Variants in CTNND2 observed in about 807,000 individuals in gnomAD.
The protein encoded by CTNND2 is catenin delta 2.
A neutral mutation model predicts 144.4 loss-of-function variants in CTNND2; 22 were observed. The observed-to-expected ratio is 0.15, with a 90% CI of 0.11 to 0.22. The LOEUF (loss-of-function observed/expected upper bound fraction) is 0.22, where lower values mean the gene tolerates loss of function less well. CTNND2 is among the 10% of genes least tolerant of loss of function. The probability of loss-of-function intolerance (pLI) is 1.00; values close to 1 mark genes in which losing one functional copy is unlikely to be tolerated. For missense variants in CTNND2, 1,353 were observed against 1,618.8 expected, an observed-to-expected ratio of 0.84 and a Z score of 2.82; for synonymous variants, 751 against 695.6, an observed-to-expected ratio of 1.08 and a Z score of -1.25.
intron 2 of CTNND2, among the ~76,000 whole-genome samples, chr5:11,591,643 C>T (rs1336449296): frequency 6.6e-6 from 1 of 151,894 alleles, no homozygotes; most frequent in African/African-American, 2.4e-5. Context: ...CATTTTTGCT[C>T]ATAATTTTAA....
chr5:11,020,881 T>C (rs556369669), intron 17 of CTNND2, among the ~76,000 whole-genome samples: 52 of 151,698 alleles, frequency 3.4e-4, no homozygotes, highest in Middle Eastern at 3.4e-3. Context: ...GAAAAAGAGA[T>C]AAAGGAACAA....
intron 3 of CTNND2, among the ~76,000 whole-genome samples, chr5:11,524,582 T>C (rs1773046878): frequency 6.6e-6 from 1 of 152,094 alleles, no homozygotes; most frequent in African/African-American, 2.4e-5. Context: ...TCAAAAGAAT[T>C]TTAGGCAATT....
chr5:11,348,598 A>T (rs961380267), intron 8 of CTNND2, among the ~76,000 whole-genome samples: 1 of 152,072 alleles, frequency 6.6e-6, no homozygotes, highest in African/African-American at 2.4e-5. Context: ...ATTTGCTATT[A>T]ATGTATTCAA....
chr5:11,375,953 G>A (rs1385029920), intron 7 of CTNND2, among the ~76,000 whole-genome samples: 1 of 152,134 alleles, frequency 6.6e-6, no homozygotes, highest in African/African-American at 2.4e-5. Context: ...CTAACACCCA[G>A]TGTGATGGTG....
intron 1 of CTNND2, among the ~76,000 whole-genome samples, chr5:11,879,373 A>ATG (rs1735855438): frequency 7.3e-5 from 10 of 136,946 alleles, no homozygotes; most frequent in Non-Finnish European, 1.2e-4. Flanking sequence ...ACACACACAC[A>ATG]CAAACATATA....
At chr5:11,549,676 C>T (rs1243659863) in intron 3 of CTNND2, among the ~76,000 whole-genome samples, 1 of 152,112 alleles carries the variant, frequency 6.6e-6, no homozygotes, top group Non-Finnish European at 1.5e-5. Context: ...TTAAATGAAG[C>T]TTATTGGTAG....
At chr5:11,009,939 T>G (rs948278165) in intron 18 of CTNND2, among the ~76,000 whole-genome samples, 22 of 152,220 alleles carry the variant, frequency 1.4e-4, no homozygotes, top group Middle Eastern at 3.2e-3. Flanking sequence ...AGAAAGACCT[T>G]CTTTGTCAAT....
chr5:11,540,937 T>C (rs904887620), intron 3 of CTNND2, among the ~76,000 whole-genome samples: 3 of 152,212 alleles, frequency 2.0e-5, no homozygotes, highest in South Asian at 2.1e-4. Context: ...ATTATTGTTA[T>C]TATTTAAAGG....
rs368409249 is a variant in CTNND2, at chr5:11,411,532, T to G, written c.439+4A>C. ...TCTTCAAGCATAACTGCCACGTGAC[T>G]TACTTTCACCTGTAGAATAATCCTG... On this transcript the variant is annotated splice_donor_region_variant and intron_variant, in intron 5 of 21. Transcript: ENST00000304623. 2 of 1,486,080 alleles carry G rather than the reference T, an allele frequency of 1.3e-6. No individual in the cohort carries two copies. Among genetic ancestry groups the G allele is most frequent in the Admixed American group, 3.5e-5 (2 of 57,298 alleles). 92.1% of individuals were successfully genotyped at this position (1,486,080 alleles called of 1,614,324 possible). A position where few individuals can be genotyped will look rare whatever the true frequency, so the allele number is the denominator to read the frequency against.
At chr5:11,649,937 C>A (rs1782560714) in intron 2 of CTNND2, among the ~76,000 whole-genome samples, 1 of 151,978 alleles carries the variant, frequency 6.6e-6, no homozygotes, top group Non-Finnish European at 1.5e-5. Flanking sequence ...AGAGAGGTCC[C>A]TTTAAATTAA....
chr5:11,062,074 T>C (rs1747049643), intron 16 of CTNND2, among the ~76,000 whole-genome samples: 1 of 152,218 alleles, frequency 6.6e-6, no homozygotes, highest in Non-Finnish European at 1.5e-5. Context: ...GAAACTTTGA[T>C]GTGCTATGAC....
intron 3 of CTNND2, among the ~76,000 whole-genome samples, chr5:11,564,624 A>T (rs944244469): frequency 2.6e-5 from 4 of 152,202 alleles, no homozygotes. Flanking sequence ...TACGAAAAAA[A>T]AAAAAAGTCC....
intron 1 of CTNND2, among the ~76,000 whole-genome samples, chr5:11,873,993 G>A (rs1256944082): frequency 6.6e-6 from 1 of 152,188 alleles, no homozygotes; most frequent in Non-Finnish European, 1.5e-5. Context: ...GGGAAATCAA[G>A]TGCCCTCACA....
intron 10 of CTNND2, among the ~76,000 whole-genome samples, chr5:11,210,079 G>T (rs1432179914): frequency 6.6e-6 from 1 of 152,136 alleles, no homozygotes; most frequent in Non-Finnish European, 1.5e-5. Flanking sequence ...AGGATAGAGT[G>T]TGACACTGGG....
intron 1 of CTNND2, among the ~76,000 whole-genome samples, chr5:11,735,880 T>C (rs1416437039): frequency 6.6e-6 from 1 of 152,212 alleles, no homozygotes; most frequent in Non-Finnish European, 1.5e-5. Context: ...AGCATGAGAA[T>C]GGACTAATAC....
At chr5:11,532,675 C>T (rs994506493) in intron 3 of CTNND2, among the ~76,000 whole-genome samples, 3 of 152,140 alleles carry the variant, frequency 2.0e-5, no homozygotes, top group Admixed American at 2.0e-4. Context: ...TTTGTTCTAT[C>T]ATTTCAAATT....
intron 9 of CTNND2, among the ~76,000 whole-genome samples, chr5:11,330,964 A>G (rs1753088691): frequency 6.6e-6 from 1 of 152,148 alleles, no homozygotes; most frequent in Non-Finnish European, 1.5e-5. Flanking sequence ...AAGCTGATTT[A>G]TAGTAAATTT....
intron 16 of CTNND2, among the ~76,000 whole-genome samples, chr5:11,047,203 C>G (rs879818260): frequency 2.6e-5 from 4 of 152,108 alleles, no homozygotes; most frequent in Non-Finnish European, 5.9e-5. Context: ...ACATGGCACT[C>G]CGGCTGCTTC....
chr5:11,199,716 C>T lies in CTNND2; in HGVS notation c.1762-55G>A, dbSNP rs957252517. 4.6e-6 allele frequency: 6 copies of T among 1,305,868 alleles called. No individual in the cohort carries two copies. In the South Asian group the frequency reaches 5.9e-5, roughly 13 times the overall value. The allele number at this position is 1,305,868 out of a possible 1,614,324, so 80.9% of individuals were successfully genotyped here. A position where few individuals can be genotyped will look rare whatever the true frequency, so the allele number is the denominator to read the frequency against. On this transcript the variant is annotated intron_variant, in intron 10 of 21. Transcript: ENST00000304623. ...TTACAGTGTAAGGTTTCCCTACCTACACCAAAACATGTTTTTCATATAAAG... is the reference window on the plus strand; with the variant it reads ...TTACAGTGTAAGGTTTCCCTACCTATACCAAAACATGTTTTTCATATAAAG...
Sources: gnomAD v4.1 joint callset for allele counts (sites outside exome capture counted in the v4.1 genomes callset) on GRCh38, gnomAD v4.1.1 for gene constraint, MANE v1.5 for transcripts, NCBI Gene and HGNC (gene_info 2026-07-23, HGNC 2026-07-21) for gene names.